SAMMSON: variants seen among roughly 807,000 people sequenced by gnomAD.
The protein encoded by SAMMSON is survival associated mitochondrial melanoma specific oncogenic non-coding RNA.
chr3:70,290,534 A>G (rs980476243), intron 6 of SAMMSON, among the ~76,000 whole-genome samples: 1 of 152,226 alleles, frequency 6.6e-6, no homozygotes, highest in Admixed American at 6.5e-5. Context: ...CCCTGCCCCC[A>G]GAGGTGGAGC....
intron 2 of SAMMSON, among the ~76,000 whole-genome samples, chr3:70,417,648 T>G (rs963639928): frequency 6.6e-6 from 1 of 152,168 alleles, no homozygotes. Context: ...TACTACTTTC[T>G]CTGAGTTAGC....
intron 7 of SAMMSON, among the ~76,000 whole-genome samples, chr3:70,301,054 C>G (rs1175686234): frequency 2.0e-5 from 3 of 151,796 alleles, no homozygotes; most frequent in Non-Finnish European, 4.4e-5. Flanking sequence ...ATAGTTTTTC[C>G]TCATTTAAAA....
chr3:70,288,157 T>A (rs1447060208), intron 6 of SAMMSON, among the ~76,000 whole-genome samples: 2 of 145,106 alleles, frequency 1.4e-5, no homozygotes, highest in African/African-American at 2.6e-5. Context: ...TGTTAGGGTG[T>A]CAATTTTGGA....
At chr3:70,360,483 G>C (rs1702863399) in intron 9 of SAMMSON, among the ~76,000 whole-genome samples, 1 of 152,128 alleles carries the variant, frequency 6.6e-6, no homozygotes, top group Non-Finnish European at 1.5e-5. Flanking sequence ...CCAGGGGAAA[G>C]TAACGAGATT....
chr3:70,170,579 CTTTTTTTTTTT>C (rs538385626), intron 4 of SAMMSON, among the ~76,000 whole-genome samples: 28 of 105,492 alleles, frequency 2.7e-4, no homozygotes, highest in African/African-American at 9.4e-4. Flanking sequence ...CTAGATTTTC[CTTTTTTTTTTT>C]TTTTTTTTTT....
At chr3:70,018,546 G>A (rs537188100) in intron 3 of SAMMSON, among the ~76,000 whole-genome samples, 1 of 152,158 alleles carries the variant, frequency 6.6e-6, no homozygotes, top group Admixed American at 6.5e-5. Context: ...TGGATTCATT[G>A]ATTTTTTTGA....
At chr3:70,124,658 G>GA (rs1206152826) in intron 4 of SAMMSON, among the ~76,000 whole-genome samples, 1 of 151,122 alleles carries the variant, frequency 6.6e-6, no homozygotes, top group African/African-American at 2.4e-5. Context: ...TAAAAATACA[G>GA]AAAAAAATTA....
chr3:70,100,640 A>G (rs938597365), intron 4 of SAMMSON, among the ~76,000 whole-genome samples: 1 of 152,094 alleles, frequency 6.6e-6, no homozygotes, highest in Non-Finnish European at 1.5e-5. Flanking sequence ...AGAACTTCCA[A>G]TTTCCTGCCT....
At chr3:70,011,117 C>A (rs1055517278) in intron 1 of SAMMSON, among the ~76,000 whole-genome samples, 1 of 152,032 alleles carries the variant, frequency 6.6e-6, no homozygotes. Flanking sequence ...TTTTTATACC[C>A]TTTTATTTTT....
At chr3:70,064,052 T>C (rs1308579277) in intron 3 of SAMMSON, among the ~76,000 whole-genome samples, 1 of 152,114 alleles carries the variant, frequency 6.6e-6, no homozygotes, top group Admixed American at 6.6e-5. Flanking sequence ...TATGACTAGG[T>C]TGTAAGCTCT....
intron 4 of SAMMSON, among the ~76,000 whole-genome samples, chr3:70,156,563 G>A (rs558895943): frequency 2.6e-5 from 4 of 152,008 alleles, no homozygotes; most frequent in Middle Eastern, 3.4e-3. Context: ...CAAAAGTGAC[G>A]AATAATGGAA....
chr3:70,034,258 A>G (rs1461283237), intron 3 of SAMMSON, among the ~76,000 whole-genome samples: 1 of 152,192 alleles, frequency 6.6e-6, no homozygotes, highest in Non-Finnish European at 1.5e-5. Flanking sequence ...ATACATTACA[A>G]AGTTGCACGA....
At chr3:70,043,396 GA>G (rs1210568322) in intron 3 of SAMMSON, among the ~76,000 whole-genome samples, 2 of 151,590 alleles carry the variant, frequency 1.3e-5, no homozygotes, top group Non-Finnish European at 2.9e-5. Context: ...ATTTCCAGCA[GA>G]AAAAAAATGT....
chr3:70,075,534 G>A (rs1445769725), intron 4 of SAMMSON: 1 of 152,092 alleles, frequency 6.6e-6, no homozygotes, highest in Admixed American at 6.6e-5. Flanking sequence ...CCACTTATTT[G>A]TTGAGTTTTG....
intron 4 of SAMMSON, among the ~76,000 whole-genome samples, chr3:70,222,379 T>C (rs1013412656): frequency 3.3e-5 from 5 of 152,232 alleles, no homozygotes; most frequent in African/African-American, 9.6e-5. Flanking sequence ...ATTTTTATTT[T>C]TGTCAAATGA....
At chr3:70,161,265 T>G (rs1409650814) in intron 4 of SAMMSON, among the ~76,000 whole-genome samples, 1 of 152,040 alleles carries the variant, frequency 6.6e-6, no homozygotes, top group Non-Finnish European at 1.5e-5. Context: ...CTTAGGGGAC[T>G]TCCTTCAGTC....
intron 4 of SAMMSON, among the ~76,000 whole-genome samples, chr3:70,209,508 G>A (rs1051891279): frequency 6.6e-6 from 1 of 151,986 alleles, no homozygotes; most frequent in Non-Finnish European, 1.5e-5. Flanking sequence ...TTGAACAGAT[G>A]GGAAATGTAT....
intron 4 of SAMMSON, chr3:70,125,565 CAG>C: frequency 1.4e-6 from 1 of 697,120 alleles, no homozygotes; most frequent in Non-Finnish European, 2.6e-6. Flanking sequence ...GCTTCAGTAA[CAG>C]GTAGATCATT....
Sources: allele counts gnomAD v4.1 joint callset (sites outside exome capture counted in the v4.1 genomes callset), GRCh38; gene constraint gnomAD v4.1.1; transcripts MANE v1.5; gene names NCBI Gene and HGNC (gene_info 2026-07-23, HGNC 2026-07-21).